Variants in EPB41L4A observed in about 807,000 individuals in gnomAD.
EPB41L4A encodes erythrocyte membrane protein band 4.1 like 4A, also known as band 4.1-like protein 4A.
EPB41L4A carries 100 observed loss-of-function variants against 108.6 expected under a neutral mutation model. The observed-to-expected ratio is 0.92, with a 90% CI of 0.78 to 1.09. The LOEUF is 1.09. Among genes scored for constraint, EPB41L4A ranks in the 50% least tolerant of loss-of-function variants. EPB41L4A has a pLI of 0.00. For synonymous variants in EPB41L4A, 319 were observed against 289.0 expected (o/e 1.10, Z -1.05); for missense variants, 1,030 against 842.7 (o/e 1.22, Z -2.75).
In EPB41L4A at chr5:112,236,697, G is replaced by A. The variant is rs113486323; in HGVS notation, c.966-1942C>T. On this transcript the variant is annotated intron_variant, in intron 11 of 22. Transcript: ENST00000261486. ...ATAAATACAGCCCTTTGCATGCTGA[G>A]TGGCACTGCCAGCAGCCCCTTCAGC... Among the ~76,000 whole-genome samples the A allele has an allele frequency of 3.3e-5, 5 of 152,296 alleles. 1 individual carries two copies. Among genetic ancestry groups the A allele is most frequent in the African/African-American group, 1.2e-4 (5 of 41,556 alleles).
At chr5:112,209,805 G>C in intron 13 of EPB41L4A, 87 bp downstream of exon 13, 2 of 748,480 alleles carry the variant, frequency 2.7e-6, no homozygotes. Context: ...AATCATCAAA[G>C]TTAAAAGATT....
intron 7 of EPB41L4A, 48 bp from the exon 8 acceptor site, chr5:112,260,027 CTTT>C (rs1561518932): frequency 1.6e-6 from 2 of 1,285,846 alleles, no homozygotes; most frequent in Admixed American, 1.7e-5. Context: ...CATAAAATCT[CTTT>C]GTCAAACTAT....
In EPB41L4A at chr5:112,214,607, C is replaced by CA. The variant is rs556673281; in HGVS notation, c.1088-4626dup. On this transcript the variant is annotated intron_variant, in intron 12 of 22. Transcript: ENST00000261486. ...TGAAACCCCATCTCTACTAAAAATA[C>CA]AAAAAAAATTTAGCCAGGTGTGGTG... is the stretch of plus-strand genomic sequence containing the variant. Among the ~76,000 whole-genome samples the CA allele has an allele frequency of 1.2e-4, 19 of 152,008 alleles. No individual in the cohort carries two copies. The East Asian group carries it at 1.5e-3, about 12-fold the overall frequency.
At chr5:112,331,241 C>T (rs1756546128) in intron 1 of EPB41L4A, among the ~76,000 whole-genome samples, 1 of 152,154 alleles carries the variant, frequency 6.6e-6, no homozygotes, top group African/African-American at 2.4e-5. Flanking sequence ...TCAATTTGTG[C>T]CAAAAACCCG....
intron 22 of EPB41L4A, among the ~76,000 whole-genome samples, chr5:112,167,113 A>G (rs528959171): frequency 8.2e-6 from 1 of 122,420 alleles, no homozygotes; most frequent in African/African-American, 3.2e-5. Context: ...AAACCAACTA[A>G]AATTTAAGAC....
chr5:112,415,430 T>A (rs1016803521), intron 1 of EPB41L4A, among the ~76,000 whole-genome samples: 1 of 152,202 alleles, frequency 6.6e-6, no homozygotes. Flanking sequence ...TAAACATTCA[T>A]CATGCTACTC....
Position 112,270,975 on chromosome 5 carries a change from G to T in EPB41L4A, c.335+4351C>A, listed in dbSNP as rs190485871. Among the ~76,000 whole-genome samples the T allele has an allele frequency of 1.3e-4, 20 of 152,288 alleles. No individual in the cohort carries two copies. In the East Asian group the frequency reaches 2.7e-3, roughly 21 times the overall value. ...AGAAAGAGTTTTAAGATCCTTAAAA[G>T]TTCAGGGACATTCCAATGGCATTTC... On this transcript the variant is annotated intron_variant, in intron 4 of 22. Coordinates refer to ENST00000261486, the MANE Select transcript of EPB41L4A (RefSeq NM_022140.5).
At chr5:112,180,259 T>C (rs546246583) in intron 18 of EPB41L4A, among the ~76,000 whole-genome samples, 124 of 152,166 alleles carry the variant, frequency 8.1e-4, no homozygotes, top group African/African-American at 3.0e-3. Flanking sequence ...CCTAATAAAA[T>C]AGCTAAAACA....
At chr5:112,272,815 C>T (rs1411257771) in intron 4 of EPB41L4A, among the ~76,000 whole-genome samples, 6 of 143,614 alleles carry the variant, frequency 4.2e-5, no homozygotes, top group Non-Finnish European at 6.0e-5. Flanking sequence ...GGTTAGATGG[C>T]GAAAGAGGCC....
intron 12 of EPB41L4A, among the ~76,000 whole-genome samples, chr5:112,230,494 T>C (rs1314780846): frequency 1.3e-5 from 2 of 152,218 alleles, no homozygotes; most frequent in African/African-American, 4.8e-5. Context: ...ATGTTGAGCA[T>C]GTTTTCACAT....
intron 9 of EPB41L4A, among the ~76,000 whole-genome samples, chr5:112,254,945 A>G (rs1330556066): frequency 6.6e-6 from 1 of 152,062 alleles, no homozygotes; most frequent in Non-Finnish European, 1.5e-5. Flanking sequence ...CTCTCTCTGA[A>G]GACCCTGTTT....
intron 1 of EPB41L4A, among the ~76,000 whole-genome samples, chr5:112,347,644 C>T (rs1354900129): frequency 6.6e-6 from 1 of 152,208 alleles, no homozygotes; most frequent in Non-Finnish European, 1.5e-5. Context: ...TTCTTCCTCC[C>T]TTTCACTGTC....
intron 1 of EPB41L4A, among the ~76,000 whole-genome samples, chr5:112,402,239 T>C (rs1761807661): frequency 6.6e-6 from 1 of 152,192 alleles, no homozygotes; most frequent in South Asian, 2.1e-4. Context: ...ATGTAGAATG[T>C]GTCTGCTTCC....
At chr5:112,362,570 C>A (rs923963049) in intron 1 of EPB41L4A, among the ~76,000 whole-genome samples, 2 of 152,140 alleles carry the variant, frequency 1.3e-5, no homozygotes, top group African/African-American at 4.8e-5. Flanking sequence ...CACGAGCCAC[C>A]GCACCCAGAC....
In EPB41L4A at chr5:112,331,923, C is replaced by A. The variant is rs6886398; in HGVS notation, c.100-24433G>T. Among the ~76,000 whole-genome samples, 539 of 152,318 alleles carry A rather than the reference C, an allele frequency of 3.5e-3. 3 individuals are homozygous for A. Among genetic ancestry groups the A allele is most frequent in the Middle Eastern group, 6.8e-3 (2 of 294 alleles). On this transcript the variant is annotated intron_variant, in intron 1 of 22. Transcript: ENST00000261486. Reference sequence around the variant, plus strand: ...TGCTAATCCCTGACCTTTCACCCTGCGCTGTCCAAGTGACTCCCAAGAACA... The same window carrying A: ...TGCTAATCCCTGACCTTTCACCCTGAGCTGTCCAAGTGACTCCCAAGAACA...
intron 17 of EPB41L4A, among the ~76,000 whole-genome samples, chr5:112,193,424 C>T (rs1761805922): frequency 6.6e-6 from 1 of 152,194 alleles, no homozygotes; most frequent in Non-Finnish European, 1.5e-5. Context: ...GCCTCTGCCT[C>T]CTGAGTAGCT....
intron 1 of EPB41L4A, among the ~76,000 whole-genome samples, chr5:112,346,216 A>ATTCTTTTTTTTTTTTTT (rs1757661747): frequency 1.5e-5 from 1 of 67,294 alleles, no homozygotes; most frequent in Non-Finnish European, 3.1e-5. Context: ...GGTACATTGC[A>ATTCTTTTTTTTTTTTTT]TTTTTTTTTT....
rs1561563665 is a variant in EPB41L4A at position 112,314,534 on chromosome 5, A to AAAAAG, written c.100-7049_100-7045dup. On this transcript the variant is annotated intron_variant, in intron 1 of 22. Coordinates refer to ENST00000261486, the MANE Select transcript of EPB41L4A (RefSeq NM_022140.5). ...AAAAAAAAAAAAAAAAAAAAAAAAA[A>AAAAAG]AAAAGAAAAGAAATTAGCCAAGCAT... Among the ~76,000 whole-genome samples the AAAAAG allele has an allele frequency of 3.9e-3, 519 of 133,752 alleles. 4 individuals carry two copies. The highest frequency in any genetic ancestry group is 0.014 in the African/African-American group (455 of 31,544). The allele number at this position is 133,752 out of a possible 152,430, so 87.7% of individuals were successfully genotyped here. A position where few individuals can be genotyped will look rare whatever the true frequency, so the allele number is the denominator to read the frequency against.
intron 12 of EPB41L4A, among the ~76,000 whole-genome samples, chr5:112,150,802 G>A (rs960469704): frequency 6.6e-6 from 1 of 152,160 alleles, no homozygotes; most frequent in Non-Finnish European, 1.5e-5. Flanking sequence ...GTTTCAAAGT[G>A]CTGAGAGAAT....
Sources: allele counts gnomAD v4.1 joint callset (sites outside exome capture counted in the v4.1 genomes callset), GRCh38; gene constraint gnomAD v4.1.1; transcripts MANE v1.5; gene names NCBI Gene and HGNC (gene_info 2026-07-23, HGNC 2026-07-21).